The following SLC66A2 variants were observed in gnomAD, a reference collection of about 807,000 sequenced individuals.
SLC66A2 encodes the protein solute carrier family 66 member 2.
SLC66A2 carries 23 observed loss-of-function variants against 25.5 expected under a neutral mutation model. That is an observed-to-expected ratio of 0.90 (90% CI 0.65 to 1.28). The LOEUF (loss-of-function observed/expected upper bound fraction) is 1.28, where lower values mean the gene tolerates loss of function less well. SLC66A2 is among the 50% of genes most tolerant of loss of function. SLC66A2 has a pLI of 0.00. For synonymous variants in SLC66A2, 193 were observed against 166.5 expected, an observed-to-expected ratio of 1.16 and a Z score of -1.23; for missense variants, 396 against 373.1, an observed-to-expected ratio of 1.06 and a Z score of -0.51.
intron 5 of SLC66A2, among the ~76,000 whole-genome samples, chr18:79,913,854 A>T (rs1983593183): frequency 6.6e-6 from 1 of 152,166 alleles, no homozygotes; most frequent in African/African-American, 2.4e-5. Context: ...CCCCAGAGAA[A>T]AGGAGCTGAA....
rs537345379 is a variant in SLC66A2 at position 79,928,714 on chromosome 18, C to T, written c.391+5255G>A. ...GCAGGCAACCGAGAAGACAGGCTCC[C>T]TCTCCCCCAGTGCCACTGCAGCAGT... On this transcript the variant is annotated intron_variant, in intron 4 of 5. Transcript: ENST00000397778. 3.9e-5 allele frequency among the ~76,000 whole-genome samples: 6 copies of T among 152,268 alleles called. No homozygotes were observed. The East Asian group carries it at 5.8e-4, about 15-fold the overall frequency.
At chr18:79,910,298 C>CAT (rs1282884595) in intron 5 of SLC66A2, among the ~76,000 whole-genome samples, 2 of 103,044 alleles carry the variant, frequency 1.9e-5, no homozygotes, top group African/African-American at 3.8e-5. Flanking sequence ...ACCACCTCAC[C>CAT]AGAGTCCCCA....
chr18:79,944,922 C>G lies in SLC66A2; in HGVS notation c.204-1460G>C, dbSNP rs28610214. Among the ~76,000 whole-genome samples the G allele has an allele frequency of 2.1e-3, 241 of 113,528 alleles. 1 individual carries two copies. The highest frequency in any genetic ancestry group is 9.7e-3 in the Middle Eastern group (2 of 206). 74.5% of individuals were successfully genotyped at this position (113,528 alleles called of 152,430 possible). On this transcript the variant is annotated intron_variant, in intron 2 of 5. Coordinates refer to ENST00000397778, the MANE Select transcript of SLC66A2 (RefSeq NM_025078.5). The stretch of plus-strand genomic sequence containing the variant: ...AGCAGAAGCAGGGGGAACCCCACAG[C>G]CCCCTCAGCACCCCCTTATCAACAC...
intron 5 of SLC66A2, among the ~76,000 whole-genome samples, chr18:79,906,679 G>A (rs537180284): frequency 6.6e-5 from 10 of 152,320 alleles, no homozygotes; most frequent in African/African-American, 1.4e-4. Context: ...AAAAGAATGC[G>A]CACGTTCACT....
intron 2 of SLC66A2, chr18:79,947,208 G>A (rs1378208145): frequency 1.3e-5 from 2 of 152,268 alleles, no homozygotes; most frequent in African/African-American, 4.8e-5. Flanking sequence ...CATACTCACA[G>A]CTGGCAAACA....
chr18:79,949,306 T>A (rs1169029119), intron 2 of SLC66A2, among the ~76,000 whole-genome samples: 1 of 152,028 alleles, frequency 6.6e-6, no homozygotes, highest in Admixed American at 6.6e-5. Context: ...TCAGAACTCA[T>A]CAAATGGACA....
chr18:79,947,756 T>C (rs2050981200), intron 2 of SLC66A2, among the ~76,000 whole-genome samples: 2 of 151,522 alleles, frequency 1.3e-5, no homozygotes, highest in South Asian at 4.2e-4. Flanking sequence ...AAAGCACAAA[T>C]CCTCTGCCCT....
chr18:79,923,325 C>A (rs1568313543), intron 4 of SLC66A2, among the ~76,000 whole-genome samples: 1 of 140,074 alleles, frequency 7.1e-6, no homozygotes, highest in Non-Finnish European at 1.6e-5. Context: ...GGTGGACGGG[C>A]AGGCAGGGGG....
In SLC66A2 at chr18:79,910,458, C is replaced by T. The variant is rs550513459; in HGVS notation, c.609-6275G>A. ...CTTCCCCACACCCTCACCATAGAGT[C>T]CCCAACCTTCCCCACCATCTCACAA... On this transcript the variant is annotated intron_variant, in intron 5 of 5. Transcript: ENST00000397778. 2.8e-3 allele frequency among the ~76,000 whole-genome samples: 430 copies of T among 150,956 alleles called. 3 individuals carry two copies. Among genetic ancestry groups the T allele is most frequent in the Non-Finnish European group, 4.8e-3 (322 of 67,704 alleles).
chr18:79,904,491 C>T lies in SLC66A2; in HGVS notation c.609-308G>A, dbSNP rs1404299134. ...TTCTCTGTGGCCGCAAGAGCTGCCG[C>T]CTGGCTGGGGCTCTGCAAGCCCAAG... is the stretch of plus-strand genomic sequence containing the variant. On this transcript the variant is annotated intron_variant, in intron 5 of 5. Transcript: ENST00000397778. The surrounding 1 kb of genome is among the most constrained non-coding windows in gnomAD (Gnocchi z 6.3). Among the ~76,000 whole-genome samples, 3 of 152,144 alleles carry T rather than the reference C, an allele frequency of 2.0e-5. No homozygotes were observed.
At chr18:79,934,671 T>A (rs1490397572) in intron 3 of SLC66A2, among the ~76,000 whole-genome samples, 1 of 152,140 alleles carries the variant, frequency 6.6e-6, no homozygotes, top group Non-Finnish European at 1.5e-5. Flanking sequence ...GCAGCCAAGG[T>A]CCTGGAAAAC....
At chr18:79,912,048 G>T (rs1983262158) in intron 5 of SLC66A2, among the ~76,000 whole-genome samples, 1 of 129,442 alleles carries the variant, frequency 7.7e-6, no homozygotes, top group East Asian at 2.6e-4. Flanking sequence ...GCAGGGAGGG[G>T]AACAGTAGCA....
chr18:79,943,664 T>A, intron 2 of SLC66A2: 1 of 542,074 alleles, frequency 1.8e-6, no homozygotes, highest in Non-Finnish European at 3.1e-6. Flanking sequence ...GGGAGACACC[T>A]GGGTCAGGAG....
chr18:79,940,992 C>T lies in SLC66A2; in HGVS notation c.337+2337G>A, dbSNP rs941874714. Among the ~76,000 whole-genome samples the T allele has an allele frequency of 6.6e-5, 10 of 152,108 alleles. No individual in the cohort carries two copies. Among genetic ancestry groups the T allele is most frequent in the African/African-American group, 1.4e-4 (6 of 41,430 alleles). On this transcript the variant is annotated intron_variant, in intron 3 of 5. Coordinates refer to ENST00000397778, the MANE Select transcript of SLC66A2 (RefSeq NM_025078.5). This position sits in a 1 kb window ranked among gnomAD's most constrained non-coding sequence, Gnocchi z 4.1. ...CCCAGGAGCCCGGCCCCCTACCCCT[C>T]GTGGCGGCCCTGGACTGCTTCCCAA...
chr18:79,908,010 G>A (rs1343517500), intron 5 of SLC66A2, among the ~76,000 whole-genome samples: 6 of 151,910 alleles, frequency 3.9e-5, no homozygotes, highest in African/African-American at 7.3e-5. Context: ...GTTCACTATC[G>A]TCTCCCTCTT....
intron 2 of SLC66A2, among the ~76,000 whole-genome samples, chr18:79,949,063 A>G (rs2051027843): frequency 6.6e-6 from 1 of 152,144 alleles, no homozygotes; most frequent in Non-Finnish European, 1.5e-5. Flanking sequence ...AAACCTCGAG[A>G]CGGGACTCGG....
chr18:79,915,963 G>C (rs12964699), intron 5 of SLC66A2: 71,082 of 138,170 alleles, frequency 0.51, 18,570 homozygotes, highest in East Asian at 0.7. Context: ...CGGTTCCAGG[G>C]TGCTAACTCC....
intron 3 of SLC66A2, among the ~76,000 whole-genome samples, chr18:79,939,907 C>T (rs183813817): frequency 1.3e-4 from 20 of 152,322 alleles, no homozygotes; most frequent in East Asian, 3.9e-4. Context: ...ACTATAGACA[C>T]ATGCACACAT....
At chr18:79,908,616 T>A (rs1982480971) in intron 5 of SLC66A2, among the ~76,000 whole-genome samples, 1 of 152,188 alleles carries the variant, frequency 6.6e-6, no homozygotes. Flanking sequence ...TGTGTCACAC[T>A]CTCCTCTCCT....
Sources: allele counts gnomAD v4.1 joint callset (sites outside exome capture counted in the v4.1 genomes callset), GRCh38; gene constraint gnomAD v4.1.1; non-coding constraint Gnocchi (gnomAD v3.1); transcripts MANE v1.5; gene names NCBI Gene and HGNC (gene_info 2026-07-23, HGNC 2026-07-21).